Variants in PPM1E observed in about 807,000 individuals in gnomAD.
PPM1E encodes the protein protein phosphatase, Mg2+/Mn2+ dependent 1E, also known as protein phosphatase 1E.
A neutral mutation model predicts 65.9 loss-of-function variants in PPM1E; 20 were observed. The observed-to-expected ratio is 0.30, with a 90% confidence interval of 0.21 to 0.44. The LOEUF (loss-of-function observed/expected upper bound fraction) is 0.44, where lower values mean the gene tolerates loss of function less well. Among genes scored for constraint, PPM1E ranks in the 20% least tolerant of loss-of-function variants. The pLI is 1.00. For synonymous variants in PPM1E, 352 were observed against 374.9 expected (o/e 0.94, Z 0.70); for missense variants, 713 against 953.1 (o/e 0.75, Z 3.32).
intron 1 of PPM1E, among the ~76,000 whole-genome samples, chr17:58,886,407 C>T (rs2051265666): frequency 6.6e-6 from 1 of 152,176 alleles, no homozygotes; most frequent in African/African-American, 2.4e-5. Flanking sequence ...ACCACACCCT[C>T]CTCTTTATAA....
intron 1 of PPM1E, among the ~76,000 whole-genome samples, chr17:58,808,270 G>A (rs1019016434): frequency 6.6e-6 from 1 of 152,092 alleles, no homozygotes; most frequent in Non-Finnish European, 1.5e-5. Context: ...GTTCTTCAGG[G>A]ATGTTTGGCT....
intron 1 of PPM1E, among the ~76,000 whole-genome samples, chr17:58,874,045 C>T (rs986321345): frequency 7.2e-5 from 11 of 151,980 alleles, no homozygotes; most frequent in Non-Finnish European, 1.2e-4. Flanking sequence ...GACTCAAAAA[C>T]GAGTAGGCAA....
At chr17:58,857,744 A>T (rs1228849060) in intron 1 of PPM1E, among the ~76,000 whole-genome samples, 1 of 152,114 alleles carries the variant, frequency 6.6e-6, no homozygotes, top group Non-Finnish European at 1.5e-5. Flanking sequence ...AGACGATTTT[A>T]AAAAGATAAA....
chr17:58,756,609 T>C, intron 1 of PPM1E, 148 bp downstream of exon 1: 1 of 1,037,164 alleles, frequency 9.6e-7, no homozygotes, highest in Non-Finnish European at 1.2e-6. Flanking sequence ...CCCCCGCTGC[T>C]CGGACCCGGG....
Position 58,980,862 on chromosome 17 carries a change from T to C in PPM1E, c.2099T>C (p.Ile700Thr), listed in dbSNP as rs1316181243. The C allele has an allele frequency of 2.5e-6, 4 of 1,614,090 alleles. No homozygotes were observed. In the Admixed American group the frequency reaches 5.0e-5, roughly 20 times the overall value. ...TCTGCTCAAGAGCCTTCCCACAAAATAGGCACTAGCCTGTCCTCACTTACT... is the reference window on the plus strand; with the variant it reads ...TCTGCTCAAGAGCCTTCCCACAAAACAGGCACTAGCCTGTCCTCACTTACT... Reference protein sequence around the residue: ...FLSAQEPSHKIGTSLSSLTGS... With the variant: ...FLSAQEPSHKTGTSLSSLTGS... Residue 700 changes from isoleucine to threonine, a missense_variant, in exon 7 of 7, where the codon ATA becomes ACA. This residue lies in a region of PPM1E where 286 missense variants were observed against 313.8 expected (regional missense o/e 0.91). Coordinates refer to ENST00000308249, the MANE Select transcript of PPM1E (RefSeq NM_014906.5). This position sits in a 1 kb window ranked among gnomAD's most constrained non-coding sequence, Gnocchi z 4.7.
At chr17:58,790,207 T>C (rs1452082785) in intron 1 of PPM1E, among the ~76,000 whole-genome samples, 3 of 151,986 alleles carry the variant, frequency 2.0e-5, no homozygotes, top group Admixed American at 2.0e-4. Flanking sequence ...TACAGGTGTA[T>C]GCCACCATGC....
intron 1 of PPM1E, among the ~76,000 whole-genome samples, chr17:58,820,122 C>T (rs1318867461): frequency 2.0e-5 from 3 of 151,950 alleles, no homozygotes; most frequent in Non-Finnish European, 4.4e-5. Context: ...AGGAGAGAAC[C>T]AGGGGGATGG....
intron 1 of PPM1E, among the ~76,000 whole-genome samples, chr17:58,763,397 A>G (rs958098807): frequency 3.9e-5 from 6 of 152,174 alleles, no homozygotes; most frequent in African/African-American, 1.4e-4. Flanking sequence ...TCCATTGGCT[A>G]GAATTCAAGT....
intron 1 of PPM1E, among the ~76,000 whole-genome samples, chr17:58,793,532 A>G (rs187756450): frequency 1.4e-4 from 21 of 150,792 alleles, no homozygotes; most frequent in African/African-American, 5.1e-4. Flanking sequence ...ATTTTTTTGT[A>G]TTTTTAGTAG....
intron 1 of PPM1E, among the ~76,000 whole-genome samples, chr17:58,807,791 G>A (rs955411894): frequency 2.0e-5 from 3 of 152,098 alleles, no homozygotes; most frequent in African/African-American, 7.2e-5. Flanking sequence ...ATTTTAAAAG[G>A]TACTTAACCT....
rs1052458788 is a variant in PPM1E, at chr17:58,756,397, C to A, written c.400C>A (p.Arg134Ser). The change falls in exon 1 of 7, where the codon CGC becomes AGC. Residue 134 changes from arginine (R) to serine (S), a missense_variant. This residue lies in a region of PPM1E where 212 missense variants were observed against 204.0 expected (regional missense o/e 1.04). Transcript: ENST00000308249. ...LPPLPRPLSE[R>S]ITREEVEGES... ...CCCGCTCCCGCGACCGCTGTCAGAG[C>A]GCATCACCCGCGAGGAGGTGGAGGG... The A allele has an allele frequency of 5.9e-6, 8 of 1,362,316 alleles. No individual in the cohort carries two copies. Among genetic ancestry groups the A allele is most frequent in the African/African-American group, 1.5e-5 (1 of 65,162 alleles). 84.4% of individuals were successfully genotyped at this position (1,362,316 alleles called of 1,614,324 possible).
At chr17:58,833,472 A>T (rs1435699680) in intron 1 of PPM1E, among the ~76,000 whole-genome samples, 4 of 151,754 alleles carry the variant, frequency 2.6e-5, no homozygotes, top group African/African-American at 9.7e-5. Context: ...AAGTGAGAAC[A>T]TGTGGTATTT....
chr17:58,896,989 A>G (rs2051426897), intron 1 of PPM1E, among the ~76,000 whole-genome samples: 1 of 152,100 alleles, frequency 6.6e-6, no homozygotes, highest in South Asian at 2.1e-4. Flanking sequence ...ATTATGCTAA[A>G]TCTACTCTGC....
At chr17:58,903,471 G>C (rs1041296637) in intron 1 of PPM1E, among the ~76,000 whole-genome samples, 1 of 152,282 alleles carries the variant, frequency 6.6e-6, no homozygotes, top group East Asian at 1.9e-4. Flanking sequence ...TTTGAAGGCA[G>C]ATTATCTACA....
intron 1 of PPM1E, among the ~76,000 whole-genome samples, chr17:58,775,541 T>G (rs1230607124): frequency 6.6e-6 from 1 of 152,184 alleles, no homozygotes; most frequent in Non-Finnish European, 1.5e-5. Flanking sequence ...TCAGCCTATA[T>G]CTAAACAATA....
chr17:58,827,453 A>C (rs2050550025), intron 1 of PPM1E, among the ~76,000 whole-genome samples: 1 of 152,006 alleles, frequency 6.6e-6, no homozygotes, highest in African/African-American at 2.4e-5. Flanking sequence ...AGCATGAGCC[A>C]CTACACCTGG....
chr17:58,850,096 T>G (rs1047382946), intron 1 of PPM1E, among the ~76,000 whole-genome samples: 9 of 152,152 alleles, frequency 5.9e-5, no homozygotes, highest in Non-Finnish European at 1.0e-4. Context: ...AGACTAGGAT[T>G]GCAACCCCTG....
At chr17:58,910,742 A>G (rs2051617780) in intron 1 of PPM1E, among the ~76,000 whole-genome samples, 1 of 151,908 alleles carries the variant, frequency 6.6e-6, no homozygotes, top group South Asian at 2.1e-4. Flanking sequence ...TTTTTCCTCC[A>G]CCTTAGGTGG....
chr17:58,955,820 A>G, intron 2 of PPM1E, 53 bp downstream of exon 2: 1 of 1,498,502 alleles, frequency 6.7e-7, no homozygotes, highest in Non-Finnish European at 8.9e-7. Flanking sequence ...TTCTATATGT[A>G]GTGGTCCACA....
Sources: gnomAD v4.1 joint callset for allele counts (sites outside exome capture counted in the v4.1 genomes callset) on GRCh38, gnomAD v4.1.1 for gene constraint, gnomAD v4.1.1 regional missense constraint, Gnocchi (gnomAD v3.1) non-coding constraint, MANE v1.5 for transcripts, NCBI Gene and HGNC (gene_info 2026-07-23, HGNC 2026-07-21) for gene names.